Variants in ADGRD1 observed in about 807,000 individuals in gnomAD.
ADGRD1 encodes adhesion G protein-coupled receptor D1.
Under a neutral mutation model 113.4 loss-of-function variants are expected in ADGRD1, and 77 were observed. The observed-to-expected ratio is 0.68, with a 90% CI of 0.57 to 0.82. The LOEUF is 0.82. Among genes scored for constraint, ADGRD1 ranks in the 40% least tolerant of loss-of-function variants. The probability of loss-of-function intolerance (pLI) is 0.00; values close to 1 mark genes in which losing one functional copy is unlikely to be tolerated. For synonymous variants in ADGRD1, 474 were observed against 475.0 expected (o/e 1.00, Z 0.03); for missense variants, 1,036 against 1,139.1 (o/e 0.91, Z 1.30).
chr12:131,030,607 G>T (rs996612568), intron 13 of ADGRD1: 3 of 152,268 alleles, frequency 2.0e-5, no homozygotes, highest in African/African-American at 7.2e-5. Context: ...CGGACGAGGG[G>T]TCTCTTCAGC....
At chr12:131,062,121 G>A (rs1335883062) in intron 13 of ADGRD1, among the ~76,000 whole-genome samples, 24 of 152,154 alleles carry the variant, frequency 1.6e-4, no homozygotes, top group Admixed American at 1.6e-3. Context: ...CCGCCTCCCA[G>A]ATTCAAGCGA....
intron 20 of ADGRD1, among the ~76,000 whole-genome samples, chr12:131,127,765 G>A (rs945047684): frequency 7.2e-6 from 1 of 138,538 alleles, no homozygotes; most frequent in Non-Finnish European, 1.6e-5. Flanking sequence ...CTGAGCTCAG[G>A]TGGGGTGTTG....
intron 15 of ADGRD1, among the ~76,000 whole-genome samples, chr12:131,089,659 T>G (rs1046172207): frequency 2.0e-5 from 3 of 152,134 alleles, no homozygotes; most frequent in African/African-American, 7.2e-5. Flanking sequence ...TGGAAGGTGC[T>G]CCCTGCCTAT....
chr12:131,058,416 A>G (rs1007101864), intron 13 of ADGRD1, among the ~76,000 whole-genome samples: 1 of 152,212 alleles, frequency 6.6e-6, no homozygotes, highest in African/African-American at 2.4e-5. Flanking sequence ...TTGCTGAGCA[A>G]GGTACCACCG....
intron 20 of ADGRD1, among the ~76,000 whole-genome samples, chr12:131,123,888 C>T (rs1950672648): frequency 6.6e-6 from 1 of 151,952 alleles, no homozygotes; most frequent in South Asian, 2.1e-4. Flanking sequence ...GCAGTGTGGC[C>T]CACTACCTGC....
intron 20 of ADGRD1, among the ~76,000 whole-genome samples, chr12:131,129,806 G>A (rs1460159314): frequency 1.3e-5 from 2 of 152,262 alleles, no homozygotes; most frequent in African/African-American, 2.4e-5. Flanking sequence ...GGCAGGGTCT[G>A]TGGCAGTTTG....
intron 2 of ADGRD1, among the ~76,000 whole-genome samples, chr12:130,956,228 G>A (rs193247878): frequency 6.6e-6 from 1 of 152,308 alleles, no homozygotes; most frequent in East Asian, 1.9e-4. Flanking sequence ...AGGGCCAGGG[G>A]CTGTGCCCTC....
At chr12:131,062,284 C>T (rs1330234210) in intron 13 of ADGRD1, among the ~76,000 whole-genome samples, 13 of 152,172 alleles carry the variant, frequency 8.5e-5, no homozygotes, top group Non-Finnish European at 1.2e-4. Context: ...TGAGCCACCG[C>T]GCCTGACCAA....
intron 8 of ADGRD1, among the ~76,000 whole-genome samples, chr12:130,995,829 T>C (rs1310997449): frequency 2.1e-4 from 32 of 152,146 alleles, no homozygotes; most frequent in Non-Finnish European, 5.9e-5. Flanking sequence ...GGCAGGGTCA[T>C]AGGACAATAG....
At chr12:131,029,248 A>C (rs1435452590) in intron 13 of ADGRD1, among the ~76,000 whole-genome samples, 4 of 152,190 alleles carry the variant, frequency 2.6e-5, no homozygotes, top group Admixed American at 2.0e-4. Context: ...TATATTGACT[A>C]TTATAGTCAG....
intron 2 of ADGRD1, among the ~76,000 whole-genome samples, chr12:130,958,779 C>T (rs1031731653): frequency 2.0e-5 from 3 of 146,996 alleles, no homozygotes; most frequent in Middle Eastern, 3.4e-3. Context: ...CTCCTTAACA[C>T]GTAGCATTTC....
chr12:130,994,066 T>G, intron 8 of ADGRD1: 7 of 227,352 alleles, frequency 3.1e-5, no homozygotes, highest in East Asian at 1.1e-4. Flanking sequence ...CCAAGGGGAG[T>G]GGGATTAGCA....
In ADGRD1 at chr12:130,981,898, T is replaced by C; in HGVS notation, c.325T>C (p.Phe109Leu). The change falls in exon 5 of 25, where the codon TTT becomes CTT. Residue 109 changes from phenylalanine to leucine, a missense_variant. By Grantham distance (22) the Phe-to-Leu change is conservative (BLOSUM62 0). Coordinates refer to ENST00000261654, the MANE Select transcript of ADGRD1 (RefSeq NM_198827.5). ...QCGPEGVTFSFFWKTQGEQSR... is the reference protein window; with the variant it reads ...QCGPEGVTFSLFWKTQGEQSR... ...ACTTTCCTCAGGGGTCACGTTTTCTTTTTTCTGGAAGACACAAGGAGAACA... is the reference window on the plus strand; with the variant it reads ...ACTTTCCTCAGGGGTCACGTTTTCTCTTTTCTGGAAGACACAAGGAGAACA... 6.2e-7 allele frequency: 1 copy of C among 1,611,548 alleles called. No homozygotes were observed. The highest frequency in any genetic ancestry group is 8.5e-7 in the Non-Finnish European group (1 of 1,178,396).
intron 14 of ADGRD1, among the ~76,000 whole-genome samples, chr12:131,079,303 T>A (rs1343790950): frequency 6.6e-6 from 1 of 152,226 alleles, no homozygotes; most frequent in Non-Finnish European, 1.5e-5. Flanking sequence ...GGGATCATTA[T>A]GATTAAAGCT....
chr12:131,063,543 T>G (rs1884501750), intron 13 of ADGRD1, among the ~76,000 whole-genome samples: 1 of 152,246 alleles, frequency 6.6e-6, no homozygotes, highest in African/African-American at 2.4e-5. Context: ...TTCATTGAAT[T>G]GCTGTTGTTT....
chr12:131,000,520 T>G, intron 9 of ADGRD1, 78 bp downstream of exon 9: 2 of 1,089,518 alleles, frequency 1.8e-6, no homozygotes, highest in Non-Finnish European at 2.8e-6. Context: ...GGCGGGTGGA[T>G]CACTTGAGGT....
chr12:131,037,001 C>T lies in ADGRD1; in HGVS notation c.1473+22661C>T, dbSNP rs542409421. Among the ~76,000 whole-genome samples, 110 of 133,828 alleles carry T rather than the reference C, an allele frequency of 8.2e-4. 2 individuals are homozygous for T. Among genetic ancestry groups the T allele is most frequent in the African/African-American group, 2.7e-3 (96 of 35,222 alleles). The allele number at this position is 133,828 out of a possible 152,430, so 87.8% of individuals were successfully genotyped here. A position where few individuals can be genotyped will look rare whatever the true frequency, so the allele number is the denominator to read the frequency against. Reference sequence around the variant, plus strand: ...CTGCATGGAGCCTCACTCACTGCACCGGGTCTCACTCACTGCACCAGGATC... The same window carrying T: ...CTGCATGGAGCCTCACTCACTGCACTGGGTCTCACTCACTGCACCAGGATC... On this transcript the variant is annotated intron_variant, in intron 13 of 24. Coordinates refer to ENST00000261654, the MANE Select transcript of ADGRD1 (RefSeq NM_198827.5).
At chr12:130,964,014 TA>T (rs978971437) in intron 2 of ADGRD1, among the ~76,000 whole-genome samples, 2 of 152,308 alleles carry the variant, frequency 1.3e-5, no homozygotes, top group African/African-American at 4.8e-5. Flanking sequence ...TTTTTAAACT[TA>T]TGAGCAAGGT....
intron 13 of ADGRD1, among the ~76,000 whole-genome samples, chr12:131,044,268 T>C (rs1364964682): frequency 6.6e-6 from 1 of 152,206 alleles, no homozygotes; most frequent in African/African-American, 2.4e-5. Flanking sequence ...CGTCCTCACA[T>C]GGGTGCCCTT....
Sources: gnomAD v4.1 joint callset for allele counts (sites outside exome capture counted in the v4.1 genomes callset) on GRCh38, gnomAD v4.1.1 for gene constraint, MANE v1.5 for transcripts, NCBI Gene and HGNC (gene_info 2026-07-23, HGNC 2026-07-21) for gene names.